MYL5: variants seen among roughly 807,000 people sequenced by gnomAD.
The protein encoded by MYL5 is myosin regulatory light chain 5.
A neutral mutation model predicts 20.8 loss-of-function variants in MYL5; 28 were observed. The observed-to-expected ratio is 1.35, with a 90% confidence interval of 1.00 to 1.84. MYL5 has a LOEUF of 1.84. Among genes scored for constraint, MYL5 ranks in the 40% most tolerant of loss-of-function variants. The probability of loss-of-function intolerance (pLI) is 0.00; values close to 1 mark genes in which losing one functional copy is unlikely to be tolerated. For missense variants in MYL5, 274 were observed against 227.3 expected (o/e 1.21, Z -1.32); for synonymous variants, 118 against 87.4 (o/e 1.35, Z -1.95).
rs1021215879 is a variant in MYL5 at position 679,557 on chromosome 4, G to T, written c.188-357G>T. 2.0e-5 allele frequency among the ~76,000 whole-genome samples: 3 copies of T among 152,186 alleles called. No homozygotes were observed. In the East Asian group the frequency reaches 5.8e-4, roughly 29 times the overall value. ...CTGAGGCAGGAGGGCAGGGGGCTTC[G>T]GTCCTGCCCTGGGAGCTGGGGAGTG... is the stretch of plus-strand genomic sequence containing the variant. On this transcript the variant is annotated intron_variant, in intron 3 of 6. Coordinates refer to ENST00000400159, the Ensembl canonical transcript of MYL5.
intron 2 of MYL5, 96 bp downstream of exon 4, chr4:678,861 G>A (rs1739130542): frequency 1.9e-6 from 3 of 1,608,886 alleles, no homozygotes; most frequent in Non-Finnish European, 1.7e-6. Flanking sequence ...AGGAGTGGAA[G>A]CCTATCCTCA....
At chr4:678,908 G>C in intron 2 of MYL5, 50 bp from the exon 5 acceptor site, 8 of 1,610,742 alleles carry the variant, frequency 5.0e-6, no homozygotes, top group Non-Finnish European at 6.8e-6. Context: ...AGGGGGCGGG[G>C]CAGAGCCCAG....
At chr4:678,340 T>C (rs1739065939) in intron 1 of MYL5, 2 of 1,415,542 alleles carry the variant, frequency 1.4e-6, no homozygotes, top group Non-Finnish European at 1.8e-6. Flanking sequence ...CCACCCAGAG[T>C]CCACTTGCCC....
chr4:681,215 C>A, intron 6 of MYL5, 75 bp downstream of exon 8: 4 of 1,529,664 alleles, frequency 2.6e-6, no homozygotes, highest in Non-Finnish European at 2.7e-6. Flanking sequence ...TGGAGGGGGA[C>A]GCGGAGCCCG....
upstream of MYL5, among the ~76,000 whole-genome samples, chr4:677,565 CT>C (rs1738973083): frequency 6.6e-6 from 1 of 152,226 alleles, no homozygotes; most frequent in African/African-American, 2.4e-5. Context: ...GTGGACACCC[CT>C]GACAGACAGA....
chr4:678,186 G>A (rs1330024962), intron 1 of MYL5, 157 bp downstream of exon 3: 36 of 1,529,912 alleles, frequency 2.4e-5, no homozygotes, highest in Non-Finnish European at 1.2e-5. Flanking sequence ...GCATGAGCGT[G>A]TGTATGTGCG....
chr4:680,466 C>T, intron 4 of MYL5, 43 bp from the exon 7 acceptor site: 1 of 1,602,322 alleles, frequency 6.2e-7, no homozygotes, highest in Non-Finnish European at 8.5e-7. Flanking sequence ...AGCCACGGGA[C>T]TGCCACCCTG....
chr4:680,644 C>A, intron 5 of MYL5, 57 bp downstream of exon 7: 2 of 1,562,700 alleles, frequency 1.3e-6, no homozygotes, highest in Non-Finnish European at 1.8e-6. Flanking sequence ...GTGATCTCAT[C>A]CTGTCCCAAA....
chr4:680,388 G>A, intron 4 of MYL5, 121 bp from the exon 7 acceptor site: 3 of 1,064,858 alleles, frequency 2.8e-6, no homozygotes, highest in Non-Finnish European at 4.3e-6. Flanking sequence ...AGGCCACCTT[G>A]TGGGCAGAGG....
At position 680,371 on chromosome 4, in the gene MYL5, C is replaced by G. The variant is rs1410753660; in HGVS notation, c.293-138C>G. 12 of 924,814 alleles carry G rather than the reference C, an allele frequency of 1.3e-5. 1 individual carries two copies. The East Asian group carries it at 2.9e-4, about 22-fold the overall frequency. 57.3% of individuals were successfully genotyped at this position (924,814 alleles called of 1,614,324 possible). On this transcript the variant is annotated intron_variant, in intron 4 of 6. Transcript: ENST00000400159. Reference sequence around the variant, plus strand: ...GGGGCTCAGGAAAGGAGAAGGCCTTCAGGCAGAGGCCACCTTGTGGGCAGA... The same window carrying G: ...GGGGCTCAGGAAAGGAGAAGGCCTTGAGGCAGAGGCCACCTTGTGGGCAGA...
upstream of MYL5, chr4:674,751 C>G (rs532477030): frequency 1.1e-4 from 18 of 170,732 alleles, no homozygotes; most frequent in Admixed American, 4.5e-4. Context: ...GGGCAGGGAC[C>G]TGGGGGTCCT....
upstream of MYL5, among the ~76,000 whole-genome samples, chr4:677,473 G>T (rs544993870): frequency 2.6e-5 from 4 of 152,182 alleles, no homozygotes; most frequent in Non-Finnish European, 5.9e-5. Context: ...GCCAGGCAAG[G>T]AGCTCCCAGC....
At chr4:680,423 C>A in intron 4 of MYL5, 86 bp from the exon 7 acceptor site, 2 of 1,357,982 alleles carry the variant, frequency 1.5e-6, no homozygotes, top group Admixed American at 1.8e-5. Context: ...CTGCTTGGGG[C>A]AGGGGTCTCC....
At chr4:677,836 G>A (rs1233862843), upstream of MYL5, 2 of 896,230 alleles carry the variant, frequency 2.2e-6, no homozygotes, top group Non-Finnish European at 3.6e-6. Flanking sequence ...GTGAGGCAGG[G>A]CAAGGGTGTG....
At chr4:674,813 C>G (rs1408569241), upstream of MYL5, 2 of 155,544 alleles carry the variant, frequency 1.3e-5, no homozygotes, top group African/African-American at 4.8e-5. Context: ...GGTCCTTCTC[C>G]TACAAGGCAG....
At chr4:679,306 G>A (rs1012851595) in intron 3 of MYL5, 1 of 381,936 alleles carries the variant, frequency 2.6e-6, no homozygotes, top group Admixed American at 4.6e-5. Context: ...GGGAGGGGCT[G>A]ACTCTCTGGT....
At chr4:681,671 TCCAGCGCCGCCCCGCCCCCTCCAGCGC>T (rs1739622470) in intron 6 of MYL5, among the ~76,000 whole-genome samples, 195 bp from the exon 9 acceptor site, 1 of 3,220 alleles carries the variant, frequency 3.1e-4, no homozygotes, top group Non-Finnish European at 5.7e-4. Context: ...CCCCGCCCCC[TCCAGCGCCGCCCCGCCCCCTCCAGCGC>T]CGCCCCGCCC....
At chr4:679,100 G>T (rs1224442848) in intron 3 of MYL5, 67 bp downstream of exon 5, 1 of 1,320,780 alleles carries the variant, frequency 7.6e-7, no homozygotes, top group African/African-American at 2.2e-5. Flanking sequence ...TCCAGCTCCA[G>T]ACGCCGCGGC....
At chr4:678,259 C>A in intron 1 of MYL5, 1 of 1,470,152 alleles carries the variant, frequency 6.8e-7, no homozygotes. Context: ...TCACGTTGCT[C>A]TCCTGGTGAG....
Sources: allele counts gnomAD v4.1 joint callset (sites outside exome capture counted in the v4.1 genomes callset), GRCh38; gene constraint gnomAD v4.1.1; transcripts MANE v1.5; gene names NCBI Gene and HGNC (gene_info 2026-07-23, HGNC 2026-07-21).